The following PPP1R9A variants were observed in gnomAD, a reference collection of about 807,000 sequenced individuals.
The protein encoded by PPP1R9A is neurabin-1.
PPP1R9A carries 59 observed loss-of-function variants against 141.9 expected under a neutral mutation model. That is an observed-to-expected ratio of 0.42 (90% CI 0.34 to 0.52). PPP1R9A has a LOEUF of 0.52. Among genes scored for constraint, PPP1R9A ranks in the 20% least tolerant of loss-of-function variants. PPP1R9A has a pLI of 0.10. For synonymous variants in PPP1R9A, 500 were observed against 569.7 expected, an observed-to-expected ratio of 0.88 and a Z score of 1.74; for missense variants, 1,444 against 1,611.9, an observed-to-expected ratio of 0.90 and a Z score of 1.78.
At chr7:95,042,186 A>G (rs1199879457) in intron 2 of PPP1R9A, among the ~76,000 whole-genome samples, 1 of 152,174 alleles carries the variant, frequency 6.6e-6, no homozygotes, top group Non-Finnish European at 1.5e-5. Flanking sequence ...ATTTAAGATG[A>G]TACCAAAAAT....
intron 4 of PPP1R9A, among the ~76,000 whole-genome samples, chr7:95,157,475 A>G (rs1829815026): frequency 6.6e-6 from 1 of 152,146 alleles, no homozygotes; most frequent in Admixed American, 6.5e-5. Flanking sequence ...GGGCAGCTGC[A>G]GCTGCACCCG....
At chr7:95,274,032 A>C in intron 15 of PPP1R9A, 46 bp downstream of exon 15, 1 of 1,496,984 alleles carries the variant, frequency 6.7e-7, no homozygotes, top group Non-Finnish European at 9.1e-7. Flanking sequence ...TAAAAGGAGG[A>C]TTGAAAGAGA....
rs984656246 is a variant in PPP1R9A at position 95,120,693 on chromosome 7, C to G, written c.1529-19C>G. On this transcript the variant is annotated intron_variant, in intron 3 of 19. Transcript: ENST00000433360. ...AAACTTAAGTTGTTTCACCTCCCCC[C>G]TTTTTTTCTTTTTAATAGATGAGGA... 2 of 1,606,478 alleles carry G rather than the reference C, an allele frequency of 1.2e-6. No individual in the cohort carries two copies. Among genetic ancestry groups the G allele is most frequent in the East Asian group, 4.5e-5 (2 of 44,756 alleles).
intron 2 of PPP1R9A, among the ~76,000 whole-genome samples, chr7:94,984,145 G>A (rs528791748): frequency 7.6e-4 from 115 of 152,202 alleles, no homozygotes; most frequent in African/African-American, 2.4e-3. Context: ...ATTGATTTGC[G>A]TATGTTGAAC....
Position 95,144,093 on chromosome 7 carries a change from C to A in PPP1R9A, c.1650-17774C>A, listed in dbSNP as rs144360179. Among the ~76,000 whole-genome samples the A allele has an allele frequency of 1.1e-3, 164 of 152,110 alleles. 2 individuals carry two copies. The highest frequency in any genetic ancestry group is 3.8e-3 in the African/African-American group (159 of 41,536). On this transcript the variant is annotated intron_variant, in intron 4 of 19. Coordinates refer to ENST00000433360, the MANE Select transcript of PPP1R9A (RefSeq NM_001166160.2). ...CTCACTATGCTATACATTTGGTCTC[C>A]AGAATTTATTCATCTTATAACAGAA...
chr7:94,936,031 G>C (rs1794731310), intron 2 of PPP1R9A, among the ~76,000 whole-genome samples: 1 of 152,116 alleles, frequency 6.6e-6, no homozygotes, highest in Admixed American at 6.6e-5. Context: ...AAGAAGATTT[G>C]AGCAGTAATT....
At chr7:95,016,374 A>C (rs945023648) in intron 2 of PPP1R9A, among the ~76,000 whole-genome samples, 32 of 152,298 alleles carry the variant, frequency 2.1e-4, no homozygotes, top group African/African-American at 7.7e-4. Flanking sequence ...TGTTTTGAAA[A>C]TTTCAAAAAT....
At chr7:94,923,796 G>T (rs914276939) in intron 2 of PPP1R9A, among the ~76,000 whole-genome samples, 7 of 152,108 alleles carry the variant, frequency 4.6e-5, no homozygotes, top group Non-Finnish European at 1.0e-4. Context: ...TTTTTGTTGG[G>T]TGGCAGAGTT....
At chr7:95,230,560 CT>C (rs1448522305) in intron 8 of PPP1R9A, among the ~76,000 whole-genome samples, 1 of 151,954 alleles carries the variant, frequency 6.6e-6, no homozygotes, top group Non-Finnish European at 1.5e-5. Context: ...GAAGAAAGAA[CT>C]TGAAGACAAG....
intron 2 of PPP1R9A, among the ~76,000 whole-genome samples, chr7:94,922,088 TATTA>T (rs1792918156): frequency 6.7e-6 from 1 of 149,320 alleles, no homozygotes. Context: ...AATATAATTT[TATTA>T]ATTTATAATA....
intron 7 of PPP1R9A, among the ~76,000 whole-genome samples, chr7:95,222,985 G>A (rs1440676788): frequency 1.3e-5 from 2 of 151,960 alleles, no homozygotes; most frequent in African/African-American, 4.8e-5. Context: ...AGATTCTGTA[G>A]TAAATGTATC....
At chr7:95,080,943 G>A (rs1465137520) in intron 2 of PPP1R9A, among the ~76,000 whole-genome samples, 1 of 152,158 alleles carries the variant, frequency 6.6e-6, no homozygotes, top group Non-Finnish European at 1.5e-5. Context: ...TCCATATGGG[G>A]TAAGATGTCA....
chr7:95,034,847 T>C (rs1343430928), intron 2 of PPP1R9A, among the ~76,000 whole-genome samples: 1 of 152,242 alleles, frequency 6.6e-6, no homozygotes, highest in Non-Finnish European at 1.5e-5. Flanking sequence ...CCTATATTTT[T>C]GTTTAATCTT....
chr7:95,102,883 A>G (rs34197770), intron 2 of PPP1R9A, among the ~76,000 whole-genome samples: 1,744 of 152,292 alleles, frequency 0.011, 13 homozygotes, highest in Non-Finnish European at 0.019. Flanking sequence ...CAACGTTGGT[A>G]GGCCACAGTA....
chr7:94,961,356 T>G (rs549192637), intron 2 of PPP1R9A, among the ~76,000 whole-genome samples: 47 of 151,828 alleles, frequency 3.1e-4, no homozygotes, highest in African/African-American at 8.4e-4. Flanking sequence ...AGTATTATTC[T>G]AATAACCCAG....
At chr7:95,245,423 G>A (rs1797991838) in intron 8 of PPP1R9A, among the ~76,000 whole-genome samples, 4 of 152,252 alleles carry the variant, frequency 2.6e-5, no homozygotes, top group Admixed American at 2.0e-4. Context: ...TCACTGTGAG[G>A]AAAAGACCAG....
At chr7:95,169,912 A>C (rs917643044) in intron 5 of PPP1R9A, among the ~76,000 whole-genome samples, 7 of 151,914 alleles carry the variant, frequency 4.6e-5, no homozygotes, top group African/African-American at 1.7e-4. Flanking sequence ...GGAAAAATTA[A>C]TTGAAACAGA....
intron 2 of PPP1R9A, among the ~76,000 whole-genome samples, chr7:95,062,725 C>G (rs1283505861): frequency 6.6e-6 from 1 of 151,842 alleles, no homozygotes; most frequent in Non-Finnish European, 1.5e-5. Flanking sequence ...TTTAGTTGCC[C>G]TAAGTATGAT....
chr7:95,142,059 T>A (rs1826796072), intron 4 of PPP1R9A, among the ~76,000 whole-genome samples: 1 of 152,088 alleles, frequency 6.6e-6, no homozygotes, highest in South Asian at 2.1e-4. Context: ...GATTATTGAG[T>A]GGGTATGAAG....
Sources: gnomAD v4.1 joint callset for allele counts (sites outside exome capture counted in the v4.1 genomes callset) on GRCh38, gnomAD v4.1.1 for gene constraint, MANE v1.5 for transcripts, NCBI Gene and HGNC (gene_info 2026-07-23, HGNC 2026-07-21) for gene names.